KCTD8: variants seen among roughly 807,000 people sequenced by gnomAD.
The protein encoded by KCTD8 is BTB/POZ domain-containing protein KCTD8.
KCTD8 carries 27 observed loss-of-function variants against 31.5 expected under a neutral mutation model. The ratio of observed to expected loss-of-function variants is 0.86; its 90% CI spans 0.63 to 1.18. The LOEUF (loss-of-function observed/expected upper bound fraction) is 1.18, where lower values mean the gene tolerates loss of function less well. Ranked by LOEUF, KCTD8 falls within the 50% of genes most tolerant of loss-of-function variation. The probability of loss-of-function intolerance (pLI) is 0.00; values close to 1 mark genes in which losing one functional copy is unlikely to be tolerated. For missense variants in KCTD8, 658 were observed against 647.7 expected (o/e 1.02, Z -0.17); for synonymous variants, 290 against 280.0 (o/e 1.04, Z -0.36).
At chr4:44,244,237 TTC>T (rs1258846806) in intron 1 of KCTD8, among the ~76,000 whole-genome samples, 1 of 152,214 alleles carries the variant, frequency 6.6e-6, no homozygotes, top group Non-Finnish European at 1.5e-5. Context: ...CTTCCTTTTT[TTC>T]TTTTTCTTAG....
intron 1 of KCTD8, among the ~76,000 whole-genome samples, chr4:44,433,966 T>C (rs908197703): frequency 6.6e-6 from 1 of 151,870 alleles, no homozygotes; most frequent in Non-Finnish European, 1.5e-5. Context: ...CTGCCACAGT[T>C]GCTTTTTGAA....
chr4:44,253,183 T>C (rs1389858560), intron 1 of KCTD8, among the ~76,000 whole-genome samples: 2 of 151,848 alleles, frequency 1.3e-5, no homozygotes, highest in East Asian at 1.9e-4. Flanking sequence ...AGTCTTTCCA[T>C]AAAATCAGTT....
chr4:44,437,258 G>GT (rs933396258), intron 1 of KCTD8, among the ~76,000 whole-genome samples: 5 of 151,982 alleles, frequency 3.3e-5, no homozygotes, highest in Non-Finnish European at 5.9e-5. Flanking sequence ...CTCACAACTT[G>GT]TATCTTATGT....
intron 1 of KCTD8, among the ~76,000 whole-genome samples, chr4:44,327,071 G>A (rs916883466): frequency 1.3e-5 from 2 of 151,840 alleles, no homozygotes; most frequent in South Asian, 2.1e-4. Flanking sequence ...GCTCTTTGCC[G>A]AAAGATACAG....
intron 1 of KCTD8, among the ~76,000 whole-genome samples, chr4:44,332,332 C>T (rs73815012): frequency 0.029 from 4,464 of 152,028 alleles, 233 homozygotes; most frequent in African/African-American, 0.1. Context: ...GATGGAGAAA[C>T]ATGGTCCAGG....
chr4:44,267,067 C>T (rs1716400732), intron 1 of KCTD8, among the ~76,000 whole-genome samples: 1 of 152,156 alleles, frequency 6.6e-6, no homozygotes, highest in Admixed American at 6.5e-5. Context: ...ATAGAACTCT[C>T]CACCCCAAAT....
intron 1 of KCTD8, among the ~76,000 whole-genome samples, chr4:44,383,632 C>G (rs1405705935): frequency 6.6e-6 from 1 of 151,958 alleles, no homozygotes; most frequent in Admixed American, 6.6e-5. Context: ...AATAATAAAA[C>G]TGGATCCCTA....
intron 1 of KCTD8, among the ~76,000 whole-genome samples, chr4:44,391,589 T>C (rs916451454): frequency 2.6e-5 from 4 of 151,350 alleles, no homozygotes; most frequent in Admixed American, 1.3e-4. Flanking sequence ...GGATATAACA[T>C]ATATAATATA....
At chr4:44,280,971 C>T (rs931838838) in intron 1 of KCTD8, among the ~76,000 whole-genome samples, 3 of 151,992 alleles carry the variant, frequency 2.0e-5, no homozygotes, top group Non-Finnish European at 4.4e-5. Flanking sequence ...GTCTATAAGA[C>T]AAGCGCCATT....
At chr4:44,403,580 C>T (rs1214321033) in intron 1 of KCTD8, among the ~76,000 whole-genome samples, 2 of 152,120 alleles carry the variant, frequency 1.3e-5, no homozygotes, top group Admixed American at 6.5e-5. Context: ...CCTTCTCACT[C>T]TATCTTCACA....
intron 1 of KCTD8, among the ~76,000 whole-genome samples, chr4:44,437,112 G>A (rs1379911556): frequency 1.3e-5 from 2 of 151,210 alleles, no homozygotes; most frequent in Non-Finnish European, 2.9e-5. Context: ...AATAGCCTGG[G>A]TTATTTAACC....
intron 1 of KCTD8, among the ~76,000 whole-genome samples, chr4:44,267,787 A>T (rs1461721953): frequency 6.6e-6 from 1 of 152,224 alleles, no homozygotes; most frequent in African/African-American, 2.4e-5. Flanking sequence ...TAAACTAGAA[A>T]ATCTAGAAGA....
intron 1 of KCTD8, among the ~76,000 whole-genome samples, chr4:44,291,472 A>G (rs1311142263): frequency 6.6e-6 from 1 of 152,182 alleles, no homozygotes; most frequent in Admixed American, 6.5e-5. Context: ...CTGTCATGTT[A>G]TACAAAAATT....
At chr4:44,401,818 T>G (rs1577656223) in intron 1 of KCTD8, among the ~76,000 whole-genome samples, 1 of 152,188 alleles carries the variant, frequency 6.6e-6, no homozygotes, top group East Asian at 1.9e-4. Context: ...CCTTAATACT[T>G]TCTCTAAGCC....
chr4:44,402,617 G>C (rs377732829), intron 1 of KCTD8, among the ~76,000 whole-genome samples: 19 of 152,144 alleles, frequency 1.2e-4, no homozygotes, highest in African/African-American at 4.3e-4. Flanking sequence ...TAGGTCCTGG[G>C]GGGGCCCTAG....
chr4:44,308,010 A>G (rs1322651237), intron 1 of KCTD8, among the ~76,000 whole-genome samples: 1 of 152,010 alleles, frequency 6.6e-6, no homozygotes, highest in Non-Finnish European at 1.5e-5. Context: ...TACAGTCACT[A>G]TTACTTATTT....
At chr4:44,434,134 G>C (rs1577670569) in intron 1 of KCTD8, among the ~76,000 whole-genome samples, 1 of 151,854 alleles carries the variant, frequency 6.6e-6, no homozygotes, top group East Asian at 1.9e-4. Flanking sequence ...AACTAGCAAA[G>C]CTCCCAAGCT....
chr4:44,187,385 A>T (rs1392224103), intron 1 of KCTD8, among the ~76,000 whole-genome samples: 1 of 152,178 alleles, frequency 6.6e-6, no homozygotes, highest in Non-Finnish European at 1.5e-5. Context: ...CTAGGATTCT[A>T]TCCACATTCA....
At chr4:44,289,570 C>T (rs62304832) in intron 1 of KCTD8, among the ~76,000 whole-genome samples, 2,772 of 152,198 alleles carry the variant, frequency 0.018, 43 homozygotes, top group Non-Finnish European at 0.03. Flanking sequence ...CATCCTAGAA[C>T]GGCTCCTGGG....
Sources: gnomAD v4.1 joint callset for allele counts (sites outside exome capture counted in the v4.1 genomes callset) on GRCh38, gnomAD v4.1.1 for gene constraint, MANE v1.5 for transcripts, NCBI Gene and HGNC (gene_info 2026-07-23, HGNC 2026-07-21) for gene names.